ACBD6: variants seen among roughly 807,000 people sequenced by gnomAD.
ACBD6 encodes the protein acyl-CoA-binding domain-containing protein 6.
Under a neutral mutation model 37.2 loss-of-function variants are expected in ACBD6, and 28 were observed. The ratio of observed to expected loss-of-function variants is 0.75; its 90% CI spans 0.56 to 1.03. The LOEUF is 1.03. Ranked by LOEUF, ACBD6 falls within the 50% of genes least tolerant of loss-of-function variation. ACBD6 has a pLI of 0.00. For missense variants in ACBD6, 340 were observed against 337.4 expected (o/e 1.01, Z -0.06); for synonymous variants, 113 against 126.8 (o/e 0.89, Z 0.73).
chr1:180,392,109 G>A (rs1394984859), intron 6 of ACBD6, among the ~76,000 whole-genome samples: 2 of 152,120 alleles, frequency 1.3e-5, no homozygotes, highest in African/African-American at 4.8e-5. Flanking sequence ...CTAATCAGGG[G>A]TCACAGAAGT....
chr1:180,502,527 C>A lies in ACBD6; in HGVS notation c.-261G>T. On this transcript the variant is annotated 5_prime_UTR_variant, in exon 1 of 8. Transcript: ENST00000367595. ...TCCGGCTTCCCTCCGGCCAACAGCGCGCTCAGGCTCGCCTCAGGCCCCTCC... is the reference window on the plus strand; with the variant it reads ...TCCGGCTTCCCTCCGGCCAACAGCGAGCTCAGGCTCGCCTCAGGCCCCTCC... 1.9e-6 allele frequency: 1 copy of A among 521,326 alleles called. No individual in the cohort carries two copies. The highest frequency in any genetic ancestry group is 3.5e-6 in the Non-Finnish European group (1 of 286,506). The allele number at this position is 521,326 out of a possible 1,614,324, so 32.3% of individuals were successfully genotyped here. A position where few individuals can be genotyped will look rare whatever the true frequency, so the allele number is the denominator to read the frequency against.
At chr1:180,442,386 T>C (rs551384013) in intron 3 of ACBD6, among the ~76,000 whole-genome samples, 15 of 152,256 alleles carry the variant, frequency 9.9e-5, no homozygotes, top group South Asian at 6.2e-4. Context: ...ATCTAGTGAA[T>C]AGAGAACAGA....
intron 7 of ACBD6, among the ~76,000 whole-genome samples, chr1:180,310,359 T>C (rs116424366): frequency 0.011 from 1,735 of 152,190 alleles, 40 homozygotes; most frequent in African/African-American, 0.039. Context: ...AAACACTGAC[T>C]CACAAACAAA....
At chr1:180,325,276 T>G (rs1253968702) in intron 6 of ACBD6, among the ~76,000 whole-genome samples, 1 of 152,154 alleles carries the variant, frequency 6.6e-6, no homozygotes, top group East Asian at 1.9e-4. Flanking sequence ...AAGTGTGTTT[T>G]ATTCTTTTGT....
At chr1:180,327,006 C>A (rs1207081987) in intron 6 of ACBD6, among the ~76,000 whole-genome samples, 1 of 152,112 alleles carries the variant, frequency 6.6e-6, no homozygotes, top group African/African-American at 2.4e-5. Context: ...ACGAGCACTC[C>A]CTTTGTTGCC....
exon 14 of ACBD6, chr1:180,271,541 T>C (rs768656562): frequency 6.2e-7 from 1 of 1,613,898 alleles, no homozygotes; most frequent in Non-Finnish European, 8.5e-7. Context: ...ACAGGTGAGA[T>C]GCCAGCACTC....
intron 6 of ACBD6, among the ~76,000 whole-genome samples, chr1:180,394,294 TG>T (rs1654180928): frequency 6.6e-6 from 1 of 151,884 alleles, no homozygotes; most frequent in Non-Finnish European, 1.5e-5. Context: ...CTCACTATGT[TG>T]CCCAGGCTGG....
In ACBD6 at chr1:180,377,256, TACAGATAC is replaced by T. The variant is rs543004172; in HGVS notation, c.663+20252_663+20259del. ...GTAAACACACGATATTCTATACAAATACAGATACAGAGATACAGAAATAGAGTATGTGT... is the reference window on the plus strand; with the variant it reads ...GTAAACACACGATATTCTATACAAATAGAGATACAGAAATAGAGTATGTGT... On this transcript the variant is annotated intron_variant, in intron 6 of 7. Coordinates refer to ENST00000367595, the MANE Select transcript of ACBD6 (RefSeq NM_032360.4). Among the ~76,000 whole-genome samples the T allele has an allele frequency of 5.8e-4, 88 of 152,300 alleles. 1 individual carries two copies. Among genetic ancestry groups the T allele is most frequent in the Admixed American group, 3.8e-3 (58 of 15,296 alleles).
intron 6 of ACBD6, among the ~76,000 whole-genome samples, chr1:180,387,015 G>A (rs1184005035): frequency 6.6e-6 from 1 of 152,092 alleles, no homozygotes; most frequent in Non-Finnish European, 1.5e-5. Flanking sequence ...AAATCTTCTA[G>A]TTTAGCAGGC....
chr1:180,435,955 AC>A (rs1649019133), intron 3 of ACBD6: 2 of 1,181,268 alleles, frequency 1.7e-6, no homozygotes, highest in Non-Finnish European at 2.5e-6. Context: ...TGAATACTGT[AC>A]AATTGTTTAA....
At chr1:180,276,982 TGAG>T (rs1048532916) in intron 9 of ACBD6, 1 of 152,182 alleles carries the variant, frequency 6.6e-6, no homozygotes, top group African/African-American at 2.4e-5. Flanking sequence ...ATAAATCTCT[TGAG>T]GAACTCAGTG....
At chr1:180,347,354 C>T (rs941488057) in intron 6 of ACBD6, among the ~76,000 whole-genome samples, 1 of 122,778 alleles carries the variant, frequency 8.1e-6, no homozygotes, top group Non-Finnish European at 1.6e-5. Flanking sequence ...AATTTTTCAA[C>T]AGAAAGTTTT....
At chr1:180,483,601 A>G (rs1419018611) in intron 3 of ACBD6, among the ~76,000 whole-genome samples, 4 of 152,154 alleles carry the variant, frequency 2.6e-5, no homozygotes, top group Admixed American at 1.3e-4. Flanking sequence ...ACCTTAATAC[A>G]TGGTAGAAAA....
chr1:180,461,501 A>C (rs1650146852), intron 3 of ACBD6, among the ~76,000 whole-genome samples: 1 of 152,166 alleles, frequency 6.6e-6, no homozygotes, highest in Admixed American at 6.5e-5. Flanking sequence ...AAAAATGTTA[A>C]AGGCAGCCAG....
At chr1:180,485,964 T>C (rs1651248618) in intron 3 of ACBD6, among the ~76,000 whole-genome samples, 1 of 152,106 alleles carries the variant, frequency 6.6e-6, no homozygotes, top group Non-Finnish European at 1.5e-5. Flanking sequence ...AAAATGATTT[T>C]AATGGATTTT....
chr1:180,447,704 T>C (rs765537551), intron 3 of ACBD6, among the ~76,000 whole-genome samples: 1 of 152,200 alleles, frequency 6.6e-6, no homozygotes, highest in African/African-American at 2.4e-5. Flanking sequence ...GTATTTATCA[T>C]AGCTGTTCAG....
chr1:180,444,864 G>T (rs1227895746), intron 3 of ACBD6, among the ~76,000 whole-genome samples: 1 of 152,170 alleles, frequency 6.6e-6, no homozygotes, highest in Non-Finnish European at 1.5e-5. Context: ...ACTTGATTCA[G>T]ACTCCACCTT....
chr1:180,389,507 G>C (rs946091021), intron 6 of ACBD6, among the ~76,000 whole-genome samples: 1 of 152,154 alleles, frequency 6.6e-6, no homozygotes, highest in Non-Finnish European at 1.5e-5. Context: ...ACTCCTTTGG[G>C]TATATACCCA....
At position 180,419,596 on chromosome 1, in the gene ACBD6, C is replaced by T. The variant is rs1314048742; in HGVS notation, c.468-6125G>A. On this transcript the variant is annotated intron_variant, in intron 4 of 7. Transcript: ENST00000367595. ...CATAGTCAAAAATCTGCATGTAACT[C>T]GACTCCCCAAAAACTTAACTACTAG... is the stretch of plus-strand genomic sequence containing the variant. Among the ~76,000 whole-genome samples the T allele has an allele frequency of 5.3e-5, 8 of 152,128 alleles. No homozygotes were observed. In the South Asian group the frequency reaches 6.2e-4, roughly 12 times the overall value.
Sources: allele counts gnomAD v4.1 joint callset (sites outside exome capture counted in the v4.1 genomes callset), GRCh38; gene constraint gnomAD v4.1.1; transcripts MANE v1.5; gene names NCBI Gene and HGNC (gene_info 2026-07-23, HGNC 2026-07-21).